PCDHA7: variants seen among roughly 807,000 people sequenced by gnomAD.
PCDHA7 encodes the protein protocadherin alpha 7.
PCDHA7 carries 37 observed loss-of-function variants against 57.2 expected under a neutral mutation model. The observed-to-expected ratio is 0.65, with a 90% CI of 0.50 to 0.85. PCDHA7 has a LOEUF of 0.85. Among genes scored for constraint, PCDHA7 ranks in the 40% least tolerant of loss-of-function variants. PCDHA7 has a pLI of 0.00. For synonymous variants in PCDHA7, 553 were observed against 558.8 expected (o/e 0.99, Z 0.15); for missense variants, 1,188 against 1,241.8 (o/e 0.96, Z 0.65).
chr5:140,883,443 A>G (rs2059611817), intron 1 of PCDHA7: 1 of 1,614,136 alleles, frequency 6.2e-7, no homozygotes. Flanking sequence ...TTGACGCCGC[A>G]TGTCCCCTTC....
At chr5:141,009,568 G>A in intron 3 of PCDHA7, 59 bp from the exon 4 acceptor site, 4 of 1,577,106 alleles carry the variant, frequency 2.5e-6, no homozygotes, top group Non-Finnish European at 3.4e-6. Context: ...TCTACCAGCA[G>A]TGTGGCATCA....
rs2150247025 is a variant in PCDHA7, at chr5:140,835,871, G to A, written c.1488G>A (p.Glu496=). 23 of 1,611,942 alleles carry A rather than the reference G, an allele frequency of 1.4e-5. No individual in the cohort carries two copies. The South Asian group carries it at 2.4e-4, about 17-fold the overall frequency. The change falls in exon 1 of 4, where the codon GAG becomes GAA. Residue 496 remains glutamate, a synonymous_variant. Transcript: ENST00000525929. ...CGCTGGTGTCCTACTCGCTGGTGGA[G>A]CTGCGGGTGGGCGAGCGCGCGCTGT... ...KNALVSYSLV[E]LRVGERALSS... is the part of the protein sequence containing the mutation.
intron 1 of PCDHA7, chr5:140,842,584 T>C (rs1245274554): frequency 1.3e-6 from 2 of 1,519,626 alleles, no homozygotes. Context: ...TGTCGGCCTA[T>C]GAGTTGGTGG....
intron 1 of PCDHA7, chr5:140,866,771 G>T (rs1274249290): frequency 2.0e-5 from 3 of 152,268 alleles, no homozygotes; most frequent in Non-Finnish European, 2.9e-5. Flanking sequence ...CAGGCAGATT[G>T]TATGTCCTGA....
intron 1 of PCDHA7, among the ~76,000 whole-genome samples, chr5:140,960,717 T>TATTTTAGTCCATG (rs1244851083): frequency 3.3e-5 from 1 of 30,264 alleles, no homozygotes; most frequent in Non-Finnish European, 6.2e-5. Flanking sequence ...ATACTCATCT[T>TATTTTAGTCCATG]ATTTTAGTCC....
intron 2 of PCDHA7, chr5:140,982,223 TA>T: frequency 5.2e-6 from 3 of 580,212 alleles, no homozygotes; most frequent in East Asian, 4.0e-5. Context: ...ATGGCGTTAA[TA>T]AAAAACAGAA....
At chr5:140,851,448 T>C (rs2042064678) in intron 1 of PCDHA7, 1 of 914,844 alleles carries the variant, frequency 1.1e-6, no homozygotes, top group African/African-American at 1.8e-5. Flanking sequence ...TGCTCCACTT[T>C]AGGAATCAAA....
chr5:140,939,195 C>T (rs1554212604), intron 1 of PCDHA7, among the ~76,000 whole-genome samples: 1 of 152,122 alleles, frequency 6.6e-6, no homozygotes, highest in East Asian at 1.9e-4. Flanking sequence ...GTTCATAAAA[C>T]AGAATGTCAC....
chr5:140,902,180 A>G (rs991898675), intron 1 of PCDHA7, among the ~76,000 whole-genome samples: 2 of 140,608 alleles, frequency 1.4e-5, no homozygotes, highest in East Asian at 4.1e-4. Context: ...GATGTCCTTT[A>G]TGTCTTCTCT....
At chr5:140,942,731 T>C (rs1404765148) in intron 1 of PCDHA7, among the ~76,000 whole-genome samples, 4 of 152,052 alleles carry the variant, frequency 2.6e-5, no homozygotes, top group Non-Finnish European at 5.9e-5. Flanking sequence ...TGTTGAAAAA[T>C]ATTTTAAAAT....
In PCDHA7 at chr5:141,010,583, G is replaced by A. The variant is rs1186884021; in HGVS notation, c.*646G>A. The A allele has an allele frequency of 4.1e-5, 10 of 242,992 alleles. No individual in the cohort carries two copies. The highest frequency in any genetic ancestry group is 3.6e-4 in the Admixed American group (7 of 19,606). 15.1% of individuals were successfully genotyped at this position (242,992 alleles called of 1,614,324 possible). A position where few individuals can be genotyped will look rare whatever the true frequency, so the allele number is the denominator to read the frequency against. The stretch of plus-strand genomic sequence containing the variant: ...TGACAAGGCTTTAGGAGACCCTAAA[G>A]TCTGTTGGCTGTGACGTCATTATAC... On this transcript the variant is annotated 3_prime_UTR_variant, in exon 4 of 4. Coordinates refer to ENST00000525929, the MANE Select transcript of PCDHA7 (RefSeq NM_018910.3).
chr5:140,963,365 T>C (rs2095759439), intron 1 of PCDHA7, among the ~76,000 whole-genome samples: 1 of 152,254 alleles, frequency 6.6e-6, no homozygotes. Flanking sequence ...CAAAGAACAT[T>C]AATTGAGCAC....
intron 1 of PCDHA7, chr5:140,848,428 C>G: frequency 6.9e-7 from 1 of 1,450,064 alleles, no homozygotes; most frequent in Middle Eastern, 1.8e-4. Flanking sequence ...ATGGGACTGA[C>G]GAAATCAGAT....
At position 140,850,694 on chromosome 5, in the gene PCDHA7, G is replaced by T. The variant is rs2150494629; in HGVS notation, c.2355+13956G>T. The T allele has an allele frequency of 5.6e-6, 9 of 1,598,344 alleles. 1 individual carries two copies. The Admixed American group carries it at 8.4e-5, about 15-fold the overall frequency. On this transcript the variant is annotated intron_variant, in intron 1 of 3. Coordinates refer to ENST00000525929, the MANE Select transcript of PCDHA7 (RefSeq NM_018910.3). ...CGATGCCCACCGAGGGCGAGTGCGC[G>T]CCTGGCAAGCCGACGCTGGTGTGTT...
At chr5:140,892,588 T>C (rs751167275) in intron 1 of PCDHA7, among the ~76,000 whole-genome samples, 12 of 152,204 alleles carry the variant, frequency 7.9e-5, no homozygotes, top group Non-Finnish European at 1.8e-4. Flanking sequence ...TCAGTATTCA[T>C]TCACCTATTT....
chr5:140,836,386 C>T lies in PCDHA7; in HGVS notation c.2003C>T (p.Ser668Leu). Residue 668 changes from serine to leucine, a missense_variant, in exon 1 of 4, where the codon TCG becomes TTG. By Grantham distance (145) the Ser-to-Leu change is moderately radical. Coordinates refer to ENST00000525929, the MANE Select transcript of PCDHA7 (RefSeq NM_018910.3). ...ACAGCCACAGCCACCGTGCTGGTGTCGCTGGTGGAAAGCGGCCAGGCACCA... is the reference window on the plus strand; with the variant it reads ...ACAGCCACAGCCACCGTGCTGGTGTTGCTGGTGGAAAGCGGCCAGGCACCA... ...SLTATATVLV[S>L]LVESGQAPKA... The T allele has an allele frequency of 6.2e-7, 1 of 1,613,722 alleles. No homozygotes were observed. Among genetic ancestry groups the T allele is most frequent in the Non-Finnish European group, 8.5e-7 (1 of 1,179,824 alleles).
intron 1 of PCDHA7, among the ~76,000 whole-genome samples, chr5:140,855,144 C>A (rs573799171): frequency 1.3e-5 from 2 of 149,748 alleles, no homozygotes; most frequent in South Asian, 4.2e-4. Context: ...CCTGATGAGC[C>A]AAATTTGGTA....
In PCDHA7 at chr5:140,871,059, T is replaced by A. The variant is rs781936875; in HGVS notation, c.2355+34321T>A. 4.3e-6 allele frequency: 7 copies of A among 1,613,256 alleles called. No homozygotes were observed. In the South Asian group the frequency reaches 7.7e-5, roughly 18 times the overall value. On this transcript the variant is annotated intron_variant, in intron 1 of 3. Transcript: ENST00000525929. ...ACCGACTTCTAGTACTGGTGAAGGA[T>A]CACGGTGAGCCGGCGCTGACGGCCA...
rs144631339 is a variant in PCDHA7 at position 140,834,572 on chromosome 5, G to T, written c.189G>T (p.Leu63=). 285 of 1,614,126 alleles carry T rather than the reference G, an allele frequency of 1.8e-4. 1 individual carries two copies. In the African/African-American group the frequency reaches 1.9e-3, roughly 11 times the overall value. The part of the protein sequence containing the change: ...GLELAELVPR[L]FRAVCKFRGD... ...AGCTGGCGGAGCTGGTGCCGCGCCTGTTCCGGGCGGTGTGCAAATTCCGTG... is the reference window on the plus strand; with the variant it reads ...AGCTGGCGGAGCTGGTGCCGCGCCTTTTCCGGGCGGTGTGCAAATTCCGTG... The change falls in exon 1 of 4, where the codon CTG becomes CTT. Residue 63 remains leucine, a synonymous_variant. Transcript: ENST00000525929.
Sources: allele counts gnomAD v4.1 joint callset (sites outside exome capture counted in the v4.1 genomes callset), GRCh38; gene constraint gnomAD v4.1.1; transcripts MANE v1.5; gene names NCBI Gene and HGNC (gene_info 2026-07-23, HGNC 2026-07-21).